Variants in GRID2 observed in about 807,000 individuals in gnomAD.
GRID2 encodes glutamate ionotropic receptor delta type subunit 2, also known as glutamate receptor ionotropic, delta-2.
Under a neutral mutation model 114.8 loss-of-function variants are expected in GRID2, and 33 were observed. The observed-to-expected ratio is 0.29, with a 90% CI of 0.22 to 0.38. The LOEUF is 0.38. Ranked by LOEUF, GRID2 falls within the 10% of genes least tolerant of loss-of-function variation. The pLI is 1.00. For synonymous variants in GRID2, 505 were observed against 449.9 expected, an observed-to-expected ratio of 1.12 and a Z score of -1.55; for missense variants, 1,184 against 1,257.7, an observed-to-expected ratio of 0.94 and a Z score of 0.89.
chr4:92,789,162 T>C (rs1278164485), intron 2 of GRID2, among the ~76,000 whole-genome samples: 1 of 151,836 alleles, frequency 6.6e-6, no homozygotes, highest in Non-Finnish European at 1.5e-5. Flanking sequence ...AGAAACCTAG[T>C]TTTAGACTAA....
At chr4:92,495,309 A>G (rs972041766) in intron 1 of GRID2, among the ~76,000 whole-genome samples, 1 of 152,036 alleles carries the variant, frequency 6.6e-6, no homozygotes, top group Non-Finnish European at 1.5e-5. Flanking sequence ...ACTATTTCCT[A>G]GAATCTAGGG....
intron 4 of GRID2, among the ~76,000 whole-genome samples, chr4:93,182,387 G>T (rs1182246497): frequency 2.0e-5 from 3 of 151,990 alleles, no homozygotes; most frequent in Non-Finnish European, 4.4e-5. Flanking sequence ...TGTGTGAAAA[G>T]ATTCTTACTT....
At chr4:93,074,480 A>G (rs936443148) in intron 2 of GRID2, among the ~76,000 whole-genome samples, 1 of 152,328 alleles carries the variant, frequency 6.6e-6, no homozygotes, top group South Asian at 2.1e-4. Context: ...GAAATTCAGC[A>G]GAAAGAAGGT....
intron 2 of GRID2, among the ~76,000 whole-genome samples, chr4:92,965,450 TAAAAAAAA>T (rs869285420): frequency 4.7e-5 from 4 of 85,754 alleles, no homozygotes; most frequent in Non-Finnish European, 7.2e-5. Context: ...ATTCAATTTG[TAAAAAAAA>T]AAAAAAAAAA....
At chr4:93,251,223 A>G (rs916470570) in intron 8 of GRID2, among the ~76,000 whole-genome samples, 1 of 152,174 alleles carries the variant, frequency 6.6e-6, no homozygotes, top group Non-Finnish European at 1.5e-5. Context: ...TGTATTGTTT[A>G]TCAGAAGTGT....
rs113830718 is a variant in GRID2, at chr4:93,286,694, G to GGT, written c.1245+48229_1245+48230dup. ...TTTTGTGTATGTGTGTGTGTGTGGG[G>GGT]GTGTGTGTGTGTGTGTGTGTGTGTG... On this transcript the variant is annotated intron_variant, in intron 8 of 15. Coordinates refer to ENST00000282020, the MANE Select transcript of GRID2 (RefSeq NM_001510.4). Among the ~76,000 whole-genome samples, 269 of 148,262 alleles carry GGT rather than the reference G, an allele frequency of 1.8e-3. 1 individual carries two copies. Among genetic ancestry groups the GGT allele is most frequent in the South Asian group, 5.3e-3 (25 of 4,738 alleles).
At chr4:92,971,129 C>T (rs1179284365) in intron 2 of GRID2, among the ~76,000 whole-genome samples, 2 of 151,826 alleles carry the variant, frequency 1.3e-5, no homozygotes, top group Non-Finnish European at 2.9e-5. Flanking sequence ...AGCCACTGTG[C>T]CCAGATCATC....
chr4:93,435,092 C>G (rs1219216484), intron 10 of GRID2, among the ~76,000 whole-genome samples: 1 of 150,646 alleles, frequency 6.6e-6, no homozygotes, highest in South Asian at 2.1e-4. Flanking sequence ...ATAACACTTA[C>G]AATTATTTTA....
chr4:93,141,166 A>C (rs191064666), intron 4 of GRID2, among the ~76,000 whole-genome samples: 1 of 151,892 alleles, frequency 6.6e-6, no homozygotes, highest in Non-Finnish European at 1.5e-5. Flanking sequence ...AGTTCTATTT[A>C]TTTTGTGTTA....
chr4:93,446,942 C>T (rs935263587), intron 10 of GRID2, among the ~76,000 whole-genome samples: 1 of 151,452 alleles, frequency 6.6e-6, no homozygotes, highest in Non-Finnish European at 1.5e-5. Flanking sequence ...AGGTTAATTA[C>T]AAAAATTGAT....
At chr4:93,349,039 A>G (rs1760525993) in intron 8 of GRID2, among the ~76,000 whole-genome samples, 2 of 152,070 alleles carry the variant, frequency 1.3e-5, no homozygotes, top group South Asian at 4.1e-4. Context: ...AATTCCATTC[A>G]CATCTTCGCT....
intron 13 of GRID2, among the ~76,000 whole-genome samples, chr4:93,593,132 G>T (rs1360796202): frequency 1.3e-5 from 2 of 151,600 alleles, no homozygotes; most frequent in Non-Finnish European, 1.5e-5. Flanking sequence ...CTTGTTAGTT[G>T]CAGTTTCTTC....
intron 2 of GRID2, among the ~76,000 whole-genome samples, chr4:92,630,181 G>A (rs1337867668): frequency 6.6e-6 from 1 of 152,052 alleles, no homozygotes; most frequent in Non-Finnish European, 1.5e-5. Flanking sequence ...TGAACATGGT[G>A]TAGCCGTTAT....
chr4:93,504,164 A>G (rs557365156), intron 12 of GRID2, among the ~76,000 whole-genome samples: 1 of 152,202 alleles, frequency 6.6e-6, no homozygotes, highest in Admixed American at 6.5e-5. Context: ...GAGCTCCTCA[A>G]AAGATCTTAT....
At chr4:93,480,599 T>C (rs72668767) in intron 11 of GRID2, among the ~76,000 whole-genome samples, 2,155 of 152,222 alleles carry the variant, frequency 0.014, 19 homozygotes, top group South Asian at 0.056. Flanking sequence ...ACTTCAATTA[T>C]CACTGAGAAA....
intron 8 of GRID2, among the ~76,000 whole-genome samples, chr4:93,243,398 A>ATG (rs1286742485): frequency 6.6e-6 from 1 of 152,036 alleles, no homozygotes; most frequent in Non-Finnish European, 1.5e-5. Context: ...GATTTACTAG[A>ATG]TGTGTGTCCA....
intron 10 of GRID2, among the ~76,000 whole-genome samples, chr4:93,430,139 G>A (rs575394742): frequency 1.3e-5 from 2 of 152,094 alleles, no homozygotes; most frequent in African/African-American, 4.8e-5. Flanking sequence ...ACAATAGAAA[G>A]CATATATTTA....
At chr4:93,233,341 TTTTTTA>T (rs1746371714) in intron 7 of GRID2, among the ~76,000 whole-genome samples, 2 of 150,134 alleles carry the variant, frequency 1.3e-5, no homozygotes, top group Admixed American at 6.6e-5. Context: ...TATTATTTTT[TTTTTTA>T]TTTTTTATTT....
chr4:93,001,753 T>A (rs896705606), intron 2 of GRID2, among the ~76,000 whole-genome samples: 1 of 151,732 alleles, frequency 6.6e-6, no homozygotes, highest in Non-Finnish European at 1.5e-5. Flanking sequence ...GTAAATTCAT[T>A]CAACATTTCA....
Sources: gnomAD v4.1 joint callset for allele counts (sites outside exome capture counted in the v4.1 genomes callset) on GRCh38, gnomAD v4.1.1 for gene constraint, MANE v1.5 for transcripts, NCBI Gene and HGNC (gene_info 2026-07-23, HGNC 2026-07-21) for gene names.